The following ELMO1 variants were observed in gnomAD, a reference collection of about 807,000 sequenced individuals.
ELMO1 encodes the protein engulfment and cell motility 1.
ELMO1 carries 26 observed loss-of-function variants against 98.9 expected under a neutral mutation model. The observed-to-expected ratio is 0.26, with a 90% CI of 0.19 to 0.36. The LOEUF (loss-of-function observed/expected upper bound fraction) is 0.36, where lower values mean the gene tolerates loss of function less well. Ranked by LOEUF, ELMO1 falls within the 10% of genes least tolerant of loss-of-function variation. The pLI is 1.00. For missense variants in ELMO1, 627 were observed against 935.2 expected, an observed-to-expected ratio of 0.67 and a Z score of 4.30; for synonymous variants, 346 against 346.0, an observed-to-expected ratio of 1.00 and a Z score of 0.00.
At chr7:37,417,093 C>T (rs370866053) in intron 1 of ELMO1, among the ~76,000 whole-genome samples, 20 of 152,258 alleles carry the variant, frequency 1.3e-4, no homozygotes, top group African/African-American at 4.8e-4. Flanking sequence ...GAAGAGGGCA[C>T]CGTTTTACAG....
At chr7:37,225,290 T>C (rs867877752) in intron 8 of ELMO1, among the ~76,000 whole-genome samples, 10 of 152,192 alleles carry the variant, frequency 6.6e-5, no homozygotes, top group Middle Eastern at 3.2e-3. Flanking sequence ...GGATTATTCT[T>C]TCTGTATTTC....
chr7:37,096,697 T>C lies in ELMO1; in HGVS notation c.1222A>G (p.Lys408Glu). Reference sequence around the variant, plus strand: ...CTGCGGCCAAAGGGACATTCATGCTTGTCTTCTCGACTACTGTTCTCAAGC... The same window carrying C: ...CTGCGGCCAAAGGGACATTCATGCTCGTCTTCTCGACTACTGTTCTCAAGC... ...IVLENSSRED[K>E]HECPFGRSSI... The change falls in exon 15 of 22, where the codon AAG becomes GAG. Residue 408 changes from lysine (K) to glutamate (E), a missense_variant. Lys to Glu is a moderately conservative substitution (Grantham distance 56, BLOSUM62 1). Around this residue, in one of 3 missense-constraint regions of ELMO1, gnomAD observed 492 missense variants for 715.6 expected, o/e 0.69. Coordinates refer to ENST00000310758, the MANE Select transcript of ELMO1 (RefSeq NM_014800.11). The C allele has an allele frequency of 1.2e-6, 2 of 1,614,200 alleles. No individual in the cohort carries two copies. Among genetic ancestry groups the C allele is most frequent in the Non-Finnish European group, 1.7e-6 (2 of 1,180,016 alleles).
intron 5 of ELMO1, among the ~76,000 whole-genome samples, chr7:37,267,001 A>G (rs931056318): frequency 1.4e-5 from 2 of 140,106 alleles, no homozygotes; most frequent in Non-Finnish European, 3.1e-5. Context: ...CGACAGAGCA[A>G]GACTCCATCT....
chr7:37,416,638 A>G (rs546975065), intron 1 of ELMO1, among the ~76,000 whole-genome samples: 32 of 152,280 alleles, frequency 2.1e-4, no homozygotes, highest in Non-Finnish European at 3.2e-4. Flanking sequence ...ATTCTCTGGA[A>G]TTTTCCCAAG....
At chr7:36,989,938 G>A (rs980695204) in intron 16 of ELMO1, among the ~76,000 whole-genome samples, 1 of 152,074 alleles carries the variant, frequency 6.6e-6, no homozygotes, top group African/African-American at 2.4e-5. Context: ...AAATTGCAAG[G>A]TAAACAGATA....
intron 16 of ELMO1, among the ~76,000 whole-genome samples, chr7:36,937,103 C>CA (rs1786600949): frequency 6.6e-6 from 1 of 152,164 alleles, no homozygotes. Flanking sequence ...AAATCTTTAG[C>CA]ACCGGTTATG....
chr7:37,005,200 G>T (rs574510754), intron 16 of ELMO1, among the ~76,000 whole-genome samples: 4 of 150,948 alleles, frequency 2.6e-5, no homozygotes, highest in African/African-American at 4.9e-5. Flanking sequence ...CAGATTCCTC[G>T]CATGCTCCTT....
intron 13 of ELMO1, among the ~76,000 whole-genome samples, chr7:37,187,273 C>T (rs1172302185): frequency 2.0e-5 from 3 of 152,066 alleles, no homozygotes; most frequent in Admixed American, 6.5e-5. Flanking sequence ...CTATAGACAA[C>T]GTAGACTAAT....
intron 16 of ELMO1, among the ~76,000 whole-genome samples, chr7:37,003,204 T>G (rs997123925): frequency 2.6e-5 from 4 of 152,128 alleles, no homozygotes; most frequent in Non-Finnish European, 2.9e-5. Context: ...TAATGTTCAT[T>G]TTTCTCCCTG....
chr7:37,290,517 A>G (rs1023945951), intron 4 of ELMO1, among the ~76,000 whole-genome samples: 1 of 152,228 alleles, frequency 6.6e-6, no homozygotes, highest in African/African-American at 2.4e-5. Context: ...TAAGAGCTAT[A>G]TAAACAGCTA....
chr7:37,412,062 TG>T (rs1372622592), intron 1 of ELMO1, among the ~76,000 whole-genome samples: 1 of 152,200 alleles, frequency 6.6e-6, no homozygotes, highest in Non-Finnish European at 1.5e-5. Context: ...ACACACAAAA[TG>T]TTTTGGAAGA....
chr7:37,071,438 A>T (rs1797262434), intron 15 of ELMO1, among the ~76,000 whole-genome samples: 1 of 152,198 alleles, frequency 6.6e-6, no homozygotes, highest in Non-Finnish European at 1.5e-5. Context: ...CTCAAAAAGA[A>T]ACTAGCAAGA....
At chr7:37,004,202 G>A (rs1792886878) in intron 16 of ELMO1, among the ~76,000 whole-genome samples, 1 of 152,098 alleles carries the variant, frequency 6.6e-6, no homozygotes, top group Admixed American at 6.5e-5. Flanking sequence ...TACTTAAAAT[G>A]TAGGTAATTT....
intron 1 of ELMO1, among the ~76,000 whole-genome samples, chr7:37,422,525 G>A (rs1804515916): frequency 6.6e-6 from 1 of 152,138 alleles, no homozygotes; most frequent in South Asian, 2.1e-4. Flanking sequence ...GCTATTCGCA[G>A]GAATATACAA....
intron 13 of ELMO1, among the ~76,000 whole-genome samples, chr7:37,206,687 A>G (rs1268170826): frequency 1.3e-5 from 2 of 152,178 alleles, no homozygotes; most frequent in African/African-American, 4.8e-5. Flanking sequence ...TAATTCTGAA[A>G]TGTTTTCACC....
intron 15 of ELMO1, among the ~76,000 whole-genome samples, chr7:37,025,458 A>C (rs1325526731): frequency 1.3e-5 from 2 of 152,212 alleles, no homozygotes; most frequent in Non-Finnish European, 2.9e-5. Context: ...GGGTATTCCC[A>C]GTTGAGATTA....
intron 16 of ELMO1, among the ~76,000 whole-genome samples, chr7:36,942,368 G>GA (rs1787117041): frequency 6.6e-6 from 1 of 152,118 alleles, no homozygotes. Flanking sequence ...GCTATATCTA[G>GA]AAAAACAAAA....
At chr7:37,272,743 A>G (rs1004867753) in intron 4 of ELMO1, among the ~76,000 whole-genome samples, 3 of 152,182 alleles carry the variant, frequency 2.0e-5, no homozygotes, top group African/African-American at 7.2e-5. Context: ...CCTTGAAAAC[A>G]TTACACTAAG....
chr7:37,041,930 A>G (rs1795533620), intron 15 of ELMO1, among the ~76,000 whole-genome samples: 1 of 152,204 alleles, frequency 6.6e-6, no homozygotes, highest in East Asian at 1.9e-4. Flanking sequence ...GAGATTCATC[A>G]TTTACATTTC....
Sources: gnomAD v4.1 joint callset for allele counts (sites outside exome capture counted in the v4.1 genomes callset) on GRCh38, gnomAD v4.1.1 for gene constraint, gnomAD v4.1.1 regional missense constraint, MANE v1.5 for transcripts, NCBI Gene and HGNC (gene_info 2026-07-23, HGNC 2026-07-21) for gene names.